CNNM2: variants seen among roughly 807,000 people sequenced by gnomAD.
CNNM2 encodes the protein cyclin and CBS domain divalent metal cation transport mediator 2.
CNNM2 carries 12 observed loss-of-function variants against 66.9 expected under a neutral mutation model. That is an observed-to-expected ratio of 0.18 (90% CI 0.11 to 0.29). The LOEUF (loss-of-function observed/expected upper bound fraction) is 0.29, where lower values mean the gene tolerates loss of function less well. CNNM2 is among the 10% of genes least tolerant of loss of function. The pLI is 1.00. For missense variants in CNNM2, 705 were observed against 1,167.7 expected, an observed-to-expected ratio of 0.60 and a Z score of 5.77; for synonymous variants, 557 against 501.8, an observed-to-expected ratio of 1.11 and a Z score of -1.47.
chr10:103,054,273 C>A lies in CNNM2; in HGVS notation c.1766-56C>A. On this transcript the variant is annotated intron_variant, in intron 2 of 7. Transcript: ENST00000369878. This position sits in a 1 kb window ranked among gnomAD's most constrained non-coding sequence, Gnocchi z 5.2. Reference sequence around the variant, plus strand: ...TTTTGTCTTTTTCATTCAAAAAGAGCCCTCATCTCATGGGATGCATTTCTT... The same window carrying A: ...TTTTGTCTTTTTCATTCAAAAAGAGACCTCATCTCATGGGATGCATTTCTT... 1 of 1,572,070 alleles carries A rather than the reference C, an allele frequency of 6.4e-7. No homozygotes were observed. Among genetic ancestry groups the A allele is most frequent in the Non-Finnish European group, 8.7e-7 (1 of 1,154,160 alleles).
At chr10:103,045,873 G>T (rs1033036695) in intron 1 of CNNM2, among the ~76,000 whole-genome samples, 2 of 152,128 alleles carry the variant, frequency 1.3e-5, no homozygotes, top group Non-Finnish European at 2.9e-5. Context: ...CCAAACTCCT[G>T]GCCTCAAGCG....
chr10:103,089,558 C>G lies in CNNM2; in HGVS notation c.*12378C>G. 7.0e-7 allele frequency: 1 copy of G among 1,420,022 alleles called. No homozygotes were observed. The highest frequency in any genetic ancestry group is 9.2e-7 in the Non-Finnish European group (1 of 1,084,428). 88.0% of individuals were successfully genotyped at this position (1,420,022 alleles called of 1,614,324 possible). A position where few individuals can be genotyped will look rare whatever the true frequency, so the allele number is the denominator to read the frequency against. On this transcript the variant is annotated 3_prime_UTR_variant, in exon 8 of 8. Transcript: ENST00000369878. The stretch of plus-strand genomic sequence containing the variant: ...AATCTTCAGAAACTTTTCAGACGTA[C>G]CTTTCATGGAGCCCCCTCCCTCCCC...
At chr10:102,957,495 T>C (rs967035741) in intron 1 of CNNM2, among the ~76,000 whole-genome samples, 2 of 152,222 alleles carry the variant, frequency 1.3e-5, no homozygotes, top group African/African-American at 2.4e-5. Flanking sequence ...ATTTGAACTC[T>C]ATGCACTAGG....
In CNNM2 at chr10:103,082,557, A is replaced by G. The variant is rs1161128142; in HGVS notation, c.*5377A>G. 1 of 152,208 alleles carries G rather than the reference A, an allele frequency of 6.6e-6. No homozygotes were observed. Among genetic ancestry groups the G allele is most frequent in the African/African-American group, 2.4e-5 (1 of 41,460 alleles). 9.4% of individuals were successfully genotyped at this position (152,208 alleles called of 1,614,324 possible). A position where few individuals can be genotyped will look rare whatever the true frequency, so the allele number is the denominator to read the frequency against. The stretch of plus-strand genomic sequence containing the variant: ...TTATTTTATATTATTTATTATGTAC[A>G]TATGCCTGTTAGTACTTCGTCTGTG... On this transcript the variant is annotated 3_prime_UTR_variant, in exon 8 of 8. Coordinates refer to ENST00000369878, the MANE Select transcript of CNNM2 (RefSeq NM_017649.5).
chr10:102,929,298 G>A (rs1212613518), intron 1 of CNNM2, among the ~76,000 whole-genome samples: 1 of 152,106 alleles, frequency 6.6e-6, no homozygotes, highest in Non-Finnish European at 1.5e-5. Context: ...GGGTGCAGTG[G>A]CTCATGTCTG....
intron 1 of CNNM2, among the ~76,000 whole-genome samples, chr10:102,985,686 A>T (rs947165704): frequency 2.6e-5 from 4 of 152,238 alleles, no homozygotes; most frequent in Non-Finnish European, 4.4e-5. Context: ...TTTATGCCTT[A>T]TTCTACAGCA....
chr10:102,964,429 G>C (rs1387858731), intron 1 of CNNM2, among the ~76,000 whole-genome samples: 2 of 152,070 alleles, frequency 1.3e-5, no homozygotes, highest in Non-Finnish European at 2.9e-5. Flanking sequence ...GGGTTTCACT[G>C]TGTTGGCCAG....
chr10:102,940,732 A>AT (rs1846403354), intron 1 of CNNM2, among the ~76,000 whole-genome samples: 1 of 121,860 alleles, frequency 8.2e-6, no homozygotes, highest in Admixed American at 8.1e-5. Flanking sequence ...TTTTATTATT[A>AT]TTTTTTTGAG....
chr10:103,034,987 A>AAT (rs1564854616), intron 1 of CNNM2, among the ~76,000 whole-genome samples: 9 of 147,706 alleles, frequency 6.1e-5, no homozygotes, highest in Admixed American at 1.4e-4. Context: ...AAAAAAAAAA[A>AAT]AAATCTCCTA....
chr10:102,982,613 GTAGT>G (rs1421099402), intron 1 of CNNM2, among the ~76,000 whole-genome samples: 5 of 152,288 alleles, frequency 3.3e-5, no homozygotes, highest in South Asian at 2.1e-4. Context: ...GCTTTGATGG[GTAGT>G]TAGTTCTTTG....
intron 1 of CNNM2, among the ~76,000 whole-genome samples, chr10:103,013,110 T>G (rs1407564233): frequency 6.6e-6 from 1 of 152,192 alleles, no homozygotes; most frequent in African/African-American, 2.4e-5. Flanking sequence ...TCTGGTTCTG[T>G]GTGCCTCTTA....
rs1043604666 is a variant in CNNM2 at position 103,083,292 on chromosome 10, A to G, written c.*6112A>G. The stretch of plus-strand genomic sequence containing the variant: ...ATGATGTAGATGTACAGTCTCTCCT[A>G]TTTATTTTGTACCAATTTATTTGTA... On this transcript the variant is annotated 3_prime_UTR_variant, in exon 8 of 8. Coordinates refer to ENST00000369878, the MANE Select transcript of CNNM2 (RefSeq NM_017649.5). The G allele has an allele frequency of 9.9e-5, 15 of 152,124 alleles. No individual in the cohort carries two copies. The highest frequency in any genetic ancestry group is 5.9e-4 in the Admixed American group (9 of 15,248). 9.4% of individuals were successfully genotyped at this position (152,124 alleles called of 1,614,324 possible).
At chr10:102,958,795 ACTTTGTG>A (rs1414828203) in intron 1 of CNNM2, among the ~76,000 whole-genome samples, 1 of 150,912 alleles carries the variant, frequency 6.6e-6, no homozygotes, top group Non-Finnish European at 1.5e-5. Context: ...ATCAACTAGG[ACTTTGTG>A]CTTTGGTTTG....
intron 1 of CNNM2, among the ~76,000 whole-genome samples, chr10:103,037,062 C>G (rs530426606): frequency 3.3e-5 from 5 of 152,106 alleles, no homozygotes; most frequent in African/African-American, 1.2e-4. Flanking sequence ...ACAGGATCTT[C>G]CTGTTGTTCC....
intron 7 of CNNM2, among the ~76,000 whole-genome samples, 192 bp downstream of exon 7, chr10:103,076,462 ATCT>A (rs1564873302): frequency 2.0e-5 from 3 of 152,110 alleles, no homozygotes; most frequent in African/African-American, 4.8e-5. Flanking sequence ...AAAAACGTTG[ATCT>A]TCTTGGTTCT....
chr10:103,012,708 A>ATATT (rs1304689817), intron 1 of CNNM2, among the ~76,000 whole-genome samples: 2 of 151,214 alleles, frequency 1.3e-5, no homozygotes, highest in Non-Finnish European at 2.9e-5. Flanking sequence ...TCCTTGACAA[A>ATATT]TGAGTTTTCA....
At chr10:103,076,663 C>G (rs1408760265) in intron 7 of CNNM2, among the ~76,000 whole-genome samples, 1 of 152,194 alleles carries the variant, frequency 6.6e-6, no homozygotes, top group Non-Finnish European at 1.5e-5. Flanking sequence ...GCCGGGCAGT[C>G]AGAGTACTCA....
intron 1 of CNNM2, among the ~76,000 whole-genome samples, chr10:102,935,138 G>A (rs960780213): frequency 1.5e-4 from 20 of 131,666 alleles, no homozygotes; most frequent in African/African-American, 5.8e-5. Flanking sequence ...CAGCCTGGGC[G>A]ACAGAGCGAG....
chr10:103,045,727 A>G (rs2065117569), intron 1 of CNNM2, among the ~76,000 whole-genome samples: 1 of 152,058 alleles, frequency 6.6e-6, no homozygotes, highest in African/African-American at 2.4e-5. Context: ...CATGCTTTGG[A>G]TTGGGAAAAC....
Sources: allele counts gnomAD v4.1 joint callset (sites outside exome capture counted in the v4.1 genomes callset), GRCh38; gene constraint gnomAD v4.1.1; non-coding constraint Gnocchi (gnomAD v3.1); transcripts MANE v1.5; gene names NCBI Gene and HGNC (gene_info 2026-07-23, HGNC 2026-07-21).